TTYH2: variants seen among roughly 807,000 people sequenced by gnomAD.
TTYH2 encodes the protein tweety family member 2.
TTYH2 carries 49 observed loss-of-function variants against 68.3 expected under a neutral mutation model. The observed-to-expected ratio is 0.72, with a 90% CI of 0.57 to 0.91. The LOEUF (loss-of-function observed/expected upper bound fraction) is 0.91, where lower values mean the gene tolerates loss of function less well. Ranked by LOEUF, TTYH2 falls within the 40% of genes least tolerant of loss-of-function variation. The pLI is 0.00. For missense variants in TTYH2, 631 were observed against 700.4 expected, an observed-to-expected ratio of 0.90 and a Z score of 1.12; for synonymous variants, 272 against 300.8, an observed-to-expected ratio of 0.90 and a Z score of 0.99.
At chr17:74,244,480 A>G (rs959363384) in intron 6 of TTYH2, among the ~76,000 whole-genome samples, 2 of 152,176 alleles carry the variant, frequency 1.3e-5, no homozygotes, top group African/African-American at 4.8e-5. Flanking sequence ...CCAGCTCCCC[A>G]GGCCCTGGGA....
chr17:74,256,687 T>A (rs1200208806), intron 13 of TTYH2, among the ~76,000 whole-genome samples: 1 of 127,564 alleles, frequency 7.8e-6, no homozygotes, highest in Non-Finnish European at 1.7e-5. Context: ...TATCACTCTG[T>A]GACCTAGGCT....
intron 6 of TTYH2, chr17:74,248,666 C>A (rs2050586457): frequency 1.2e-5 from 14 of 1,163,114 alleles, no homozygotes; most frequent in Non-Finnish European, 1.4e-5. Context: ...GGATGCTGGC[C>A]CCCAAAGGTC....
intron 1 of TTYH2, among the ~76,000 whole-genome samples, chr17:74,216,439 G>T (rs2050222637): frequency 6.6e-6 from 1 of 152,182 alleles, no homozygotes; most frequent in Admixed American, 6.5e-5. Context: ...TCTTGGAAGT[G>T]CAGAGATGGT....
rs568152765 is a variant in TTYH2, at chr17:74,253,768, C to T, written c.1459C>T (p.Leu487Phe). 1.5e-4 allele frequency: 241 copies of T among 1,614,210 alleles called. 2 individuals carry two copies. The South Asian group carries it at 2.5e-3, about 17-fold the overall frequency. The change falls in exon 13 of 14, where the codon CTC (leucine) becomes TTC (phenylalanine). Residue 487 changes from leucine to phenylalanine, a missense_variant. Physicochemically the swap from Leu to Phe is conservative, Grantham distance 22. Transcript: ENST00000269346. ...PVSEYMNQAM[L>F]FGRNPRYENV... ...TCATCCCCGCAGGAACCAAGCCATG[C>T]TCTTTGGTAGGAACCCACGCTACGA... is the stretch of plus-strand genomic sequence containing the variant.
intron 3 of TTYH2, among the ~76,000 whole-genome samples, 178 bp from the exon 4 acceptor site, chr17:74,237,116 T>G (rs1226808849): frequency 6.6e-6 from 1 of 151,666 alleles, no homozygotes; most frequent in Non-Finnish European, 1.5e-5. Flanking sequence ...CCCAGGCTGG[T>G]CTCAAACTCC....
chr17:74,220,194 A>G (rs1598212954), intron 1 of TTYH2, among the ~76,000 whole-genome samples: 1 of 152,170 alleles, frequency 6.6e-6, no homozygotes, highest in African/African-American at 2.4e-5. Flanking sequence ...GAGAGGCCTC[A>G]GGGGCTGCCA....
At chr17:74,240,487 G>A (rs934625522) in intron 4 of TTYH2, among the ~76,000 whole-genome samples, 25 of 150,878 alleles carry the variant, frequency 1.7e-4, no homozygotes, top group African/African-American at 4.9e-4. Flanking sequence ...CACCTATGGC[G>A]CCTGAACATC....
Position 74,249,950 on chromosome 17 carries a change from C to T in TTYH2, c.945C>T (p.Phe315=). ...SSPFQQTLTT[F]QRALTTMQIQ... ...TCCTGGCTCAGACCCTGACCACCTT[C>T]CAGCGCGCACTTACCACCATGCAGA... is the stretch of plus-strand genomic sequence containing the variant. Residue 315 remains phenylalanine (F), a synonymous_variant, in exon 9 of 14, where the codon TTC becomes TTT. Transcript: ENST00000269346. 1 of 1,614,034 alleles carries T rather than the reference C, an allele frequency of 6.2e-7. No homozygotes were observed. The highest frequency in any genetic ancestry group is 1.1e-5 in the South Asian group (1 of 91,066).
intron 2 of TTYH2, among the ~76,000 whole-genome samples, chr17:74,229,737 T>C (rs2050368398): frequency 6.6e-6 from 1 of 152,234 alleles, no homozygotes; most frequent in African/African-American, 2.4e-5. Context: ...CTTAAATCCA[T>C]ATTACTAAGC....
In TTYH2 at chr17:74,234,655, T is replaced by C. The variant is rs747353621; in HGVS notation, c.415-2639T>C. On this transcript the variant is annotated intron_variant, in intron 3 of 13. Coordinates refer to ENST00000269346, the MANE Select transcript of TTYH2 (RefSeq NM_032646.6). ...AATACAAATACTGCCTTCTTTTTTTTTCCCCCTAAGGAGGAGTTTAAGAAA... is the reference window on the plus strand; with the variant it reads ...AATACAAATACTGCCTTCTTTTTTTCTCCCCCTAAGGAGGAGTTTAAGAAA... 2.6e-5 allele frequency among the ~76,000 whole-genome samples: 4 copies of C among 152,188 alleles called. No individual in the cohort carries two copies. In the South Asian group the frequency reaches 6.2e-4, roughly 24 times the overall value.
chr17:74,223,970 A>G (rs2050304743), intron 2 of TTYH2, among the ~76,000 whole-genome samples: 1 of 152,204 alleles, frequency 6.6e-6, no homozygotes, highest in Admixed American at 6.5e-5. Flanking sequence ...CTCTGAGCAC[A>G]AGGAAGGGGA....
At position 74,213,702 on chromosome 17, in the gene TTYH2, G is replaced by A. The variant is rs1393600544; in HGVS notation, c.115G>A (p.Glu39Lys). 1 of 1,611,840 alleles carries A rather than the reference G, an allele frequency of 6.2e-7. No homozygotes were observed. Among genetic ancestry groups the A allele is most frequent in the African/African-American group, 1.3e-5 (1 of 74,902 alleles). Reference protein sequence around the residue: ...PVNSTFSPGDESYQESLLFLG... With the variant: ...PVNSTFSPGDKSYQESLLFLG... Reference sequence around the variant, plus strand: ...GAACAGCACCTTCAGCCCCGGCGACGAGAGTTACCAGGAGGTAAGTTTACG... The same window carrying A: ...GAACAGCACCTTCAGCCCCGGCGACAAGAGTTACCAGGAGGTAAGTTTACG... The change falls in exon 1 of 14, where the codon GAG (glutamate) becomes AAG (lysine). Residue 39 changes from glutamate to lysine, a missense_variant. Physicochemically the swap from Glu to Lys is moderately conservative, Grantham distance 56. Transcript: ENST00000269346. This position sits in a 1 kb window ranked among gnomAD's most constrained non-coding sequence, Gnocchi z 6.1.
intron 13 of TTYH2, among the ~76,000 whole-genome samples, chr17:74,255,635 A>G (rs1340181294): frequency 2.0e-5 from 3 of 151,998 alleles, no homozygotes; most frequent in Non-Finnish European, 2.9e-5. Context: ...TATTTTTAGC[A>G]GAGACAGGGC....
chr17:74,249,049 C>T lies in TTYH2; in HGVS notation c.843C>T (p.Ile281=). The T allele has an allele frequency of 6.2e-7, 1 of 1,614,208 alleles. No homozygotes were observed. The highest frequency in any genetic ancestry group is 8.5e-7 in the Non-Finnish European group (1 of 1,180,030). The change falls in exon 7 of 14, where the codon ATC becomes ATT. Residue 281 remains isoleucine (I), a synonymous_variant. Coordinates refer to ENST00000269346, the MANE Select transcript of TTYH2 (RefSeq NM_032646.6). ...TCTGTGTGGCTCCTGACACCTTCATCCTGAACGTCACGGAGGGCCAGATCA... is the reference window on the plus strand; with the variant it reads ...TCTGTGTGGCTCCTGACACCTTCATTCTGAACGTCACGGAGGGCCAGATCA... The part of the protein sequence containing the change: ...SDFCVAPDTF[I]LNVTEGQIST...
chr17:74,236,169 G>T (rs78717507), intron 3 of TTYH2, among the ~76,000 whole-genome samples: 1 of 152,180 alleles, frequency 6.6e-6, no homozygotes, highest in Non-Finnish European at 1.5e-5. Context: ...ACATCCAGGG[G>T]AGGATGTGAA....
At chr17:74,249,643 G>C (rs1183127923) in intron 8 of TTYH2, among the ~76,000 whole-genome samples, 1 of 152,170 alleles carries the variant, frequency 6.6e-6, no homozygotes, top group Non-Finnish European at 1.5e-5. Context: ...CTCTGGGGTG[G>C]GGCCGAGATT....
chr17:74,255,887 C>T (rs1350950085), intron 13 of TTYH2, among the ~76,000 whole-genome samples: 1 of 152,174 alleles, frequency 6.6e-6, no homozygotes, highest in Admixed American at 6.5e-5. Context: ...TGGAAGGGGA[C>T]ATCCAACAGG....
chr17:74,219,435 G>T (rs1160055358), intron 1 of TTYH2, among the ~76,000 whole-genome samples: 1 of 148,578 alleles, frequency 6.7e-6, no homozygotes, highest in East Asian at 1.9e-4. Context: ...GCAGTCTTAA[G>T]TGTGCAGTTC....
Position 74,253,148 on chromosome 17 carries a change from C to T in TTYH2, c.1327C>T (p.His443Tyr). Residue 443 changes from histidine to tyrosine, a missense_variant, in exon 12 of 14, where the codon CAC becomes TAC. Coordinates refer to ENST00000269346, the MANE Select transcript of TTYH2 (RefSeq NM_032646.6). ...CCCCCAAGCCTGGCGCATGGCGGCT[C>T]ACAGTCCCCCGAGGGGACAGCTTCA... ...FNPQAWRMAAHSPPRGQLHSF... is the reference protein window; with the variant it reads ...FNPQAWRMAAYSPPRGQLHSF... The T allele has an allele frequency of 6.2e-7, 1 of 1,613,986 alleles. No homozygotes were observed. Among genetic ancestry groups the T allele is most frequent in the Non-Finnish European group, 8.5e-7 (1 of 1,179,952 alleles).
Sources: gnomAD v4.1 joint callset for allele counts (sites outside exome capture counted in the v4.1 genomes callset) on GRCh38, gnomAD v4.1.1 for gene constraint, Gnocchi (gnomAD v3.1) non-coding constraint, MANE v1.5 for transcripts, NCBI Gene and HGNC (gene_info 2026-07-23, HGNC 2026-07-21) for gene names.